The following CCSER1 variants were observed in gnomAD, a reference collection of about 807,000 sequenced individuals.
CCSER1 encodes the protein coiled-coil serine rich protein 1.
In CCSER1, 41 loss-of-function variants were observed where a neutral mutation model predicts 82.0. That is an observed-to-expected ratio of 0.50 (90% confidence interval 0.39 to 0.65). CCSER1 has a LOEUF of 0.65. Among genes scored for constraint, CCSER1 ranks in the 30% least tolerant of loss-of-function variants. The probability of loss-of-function intolerance (pLI) is 0.00; values close to 1 mark genes in which losing one functional copy is unlikely to be tolerated. For missense variants in CCSER1, 1,119 were observed against 1,064.2 expected (o/e 1.05, Z -0.72); for synonymous variants, 414 against 383.9 (o/e 1.08, Z -0.92).
intron 6 of CCSER1, among the ~76,000 whole-genome samples, chr4:90,682,046 C>T (rs367830965): frequency 6.6e-6 from 1 of 151,232 alleles, no homozygotes; most frequent in Non-Finnish European, 1.5e-5. Flanking sequence ...TTTTGCTAAA[C>T]TACAAGTGCT....
intron 7 of CCSER1, among the ~76,000 whole-genome samples, chr4:90,765,749 G>A (rs1212730552): frequency 6.6e-6 from 1 of 152,088 alleles, no homozygotes; most frequent in Non-Finnish European, 1.5e-5. Context: ...TACAATGATA[G>A]GCCAGACTGA....
At chr4:91,183,534 G>A (rs531817468) in intron 10 of CCSER1, among the ~76,000 whole-genome samples, 10 of 152,204 alleles carry the variant, frequency 6.6e-5, no homozygotes, top group South Asian at 6.2e-4. Flanking sequence ...TTATGCCTTC[G>A]TGAGAGGGAC....
At chr4:91,382,432 G>C (rs1398969308) in intron 10 of CCSER1, among the ~76,000 whole-genome samples, 2 of 152,170 alleles carry the variant, frequency 1.3e-5, no homozygotes, top group African/African-American at 2.4e-5. Flanking sequence ...CAGCCTCGCT[G>C]CTGTCTTGCA....
intron 10 of CCSER1, among the ~76,000 whole-genome samples, chr4:91,442,315 C>T (rs889278408): frequency 6.6e-6 from 1 of 152,110 alleles, no homozygotes; most frequent in African/African-American, 2.4e-5. Flanking sequence ...AGAAATAATG[C>T]CGCATATCTA....
intron 9 of CCSER1, among the ~76,000 whole-genome samples, chr4:90,932,963 AAAGAAAG>A (rs1485778333): frequency 4.2e-5 from 2 of 47,156 alleles, no homozygotes; most frequent in East Asian, 4.4e-4. Context: ...AGAAAGAAAG[AAAGAAAG>A]AAAGAAAGAA....
At chr4:90,879,133 G>T (rs1243755979) in intron 8 of CCSER1, among the ~76,000 whole-genome samples, 4 of 152,048 alleles carry the variant, frequency 2.6e-5, no homozygotes, top group South Asian at 4.1e-4. Flanking sequence ...CTTTATTTTT[G>T]TCTGACTGTC....
At chr4:91,114,145 C>T (rs563545280) in intron 10 of CCSER1, among the ~76,000 whole-genome samples, 1 of 152,184 alleles carries the variant, frequency 6.6e-6, no homozygotes, top group Admixed American at 6.5e-5. Flanking sequence ...AGCCACCATG[C>T]CCAGCCAATA....
chr4:91,406,973 A>C (rs959442420), intron 10 of CCSER1, among the ~76,000 whole-genome samples: 1 of 152,180 alleles, frequency 6.6e-6, no homozygotes, highest in East Asian at 1.9e-4. Context: ...TTTCATACCT[A>C]ATATTGCAAA....
At chr4:90,675,694 TTTTTTTTTTA>T in intron 6 of CCSER1, among the ~76,000 whole-genome samples, 1 of 1,072 alleles carries the variant, frequency 9.3e-4, no homozygotes, top group Admixed American at 0.015. Flanking sequence ...GTTTTTTTTT[TTTTTTTTTTA>T]TGTGTTTTTT....
intron 4 of CCSER1, among the ~76,000 whole-genome samples, chr4:90,453,655 A>G (rs967878561): frequency 6.6e-6 from 1 of 152,168 alleles, no homozygotes; most frequent in Non-Finnish European, 1.5e-5. Flanking sequence ...AGTGGTTCCC[A>G]TGTGAGCCAA....
intron 10 of CCSER1, among the ~76,000 whole-genome samples, chr4:91,386,905 A>G (rs1179041435): frequency 6.6e-6 from 1 of 152,046 alleles, no homozygotes; most frequent in African/African-American, 2.4e-5. Context: ...AAAAATGTAA[A>G]TATCATGATA....
At chr4:90,403,523 A>G (rs959273053) in intron 4 of CCSER1, among the ~76,000 whole-genome samples, 3 of 151,070 alleles carry the variant, frequency 2.0e-5, no homozygotes, top group East Asian at 1.9e-4. Context: ...AAAAAAAAGA[A>G]AAAAGACCTC....
chr4:91,116,507 C>T (rs1391035315), intron 10 of CCSER1, among the ~76,000 whole-genome samples: 1 of 152,154 alleles, frequency 6.6e-6, no homozygotes, highest in Non-Finnish European at 1.5e-5. Context: ...AGTAATGAGC[C>T]TCAGTTTTCT....
intron 10 of CCSER1, among the ~76,000 whole-genome samples, chr4:91,358,676 A>G (rs1241469651): frequency 6.6e-6 from 1 of 152,136 alleles, no homozygotes; most frequent in Admixed American, 6.5e-5. Context: ...CAAGTTCCAA[A>G]GACTAGTCTT....
At chr4:90,363,482 G>C (rs1330393991) in intron 3 of CCSER1, among the ~76,000 whole-genome samples, 2 of 151,896 alleles carry the variant, frequency 1.3e-5, no homozygotes, top group Non-Finnish European at 2.9e-5. Flanking sequence ...GGTTCTCTTT[G>C]TTTTATATTT....
intron 10 of CCSER1, among the ~76,000 whole-genome samples, chr4:91,366,701 C>T (rs1749639408): frequency 6.6e-6 from 1 of 152,176 alleles, no homozygotes; most frequent in Admixed American, 6.6e-5. Context: ...AGGACTTACA[C>T]ATAATCTTAT....
intron 7 of CCSER1, among the ~76,000 whole-genome samples, chr4:90,754,591 C>A (rs969005682): frequency 6.6e-6 from 1 of 152,126 alleles, no homozygotes; most frequent in African/African-American, 2.4e-5. Context: ...AAAAAAGAAT[C>A]TTGAATTGTA....
At chr4:91,573,070 G>C (rs981305431) in intron 10 of CCSER1, among the ~76,000 whole-genome samples, 2 of 152,198 alleles carry the variant, frequency 1.3e-5, no homozygotes, top group African/African-American at 2.4e-5. Flanking sequence ...CAGTGAGGTG[G>C]AACGGGATTG....
At chr4:91,519,967 C>G (rs1252227175) in intron 10 of CCSER1, among the ~76,000 whole-genome samples, 2 of 152,156 alleles carry the variant, frequency 1.3e-5, no homozygotes, top group Non-Finnish European at 2.9e-5. Context: ...ATCATTATGC[C>G]AGTATCTGCC....
Sources: allele counts gnomAD v4.1 joint callset (sites outside exome capture counted in the v4.1 genomes callset), GRCh38; gene constraint gnomAD v4.1.1; transcripts MANE v1.5; gene names NCBI Gene and HGNC (gene_info 2026-07-23, HGNC 2026-07-21).